The following SH3GLB1 variants were observed in gnomAD, a reference collection of about 807,000 sequenced individuals.
The protein encoded by SH3GLB1 is endophilin-B1.
In SH3GLB1, 17 loss-of-function variants were observed where a neutral mutation model predicts 42.0. The observed-to-expected ratio is 0.40, with a 90% CI of 0.28 to 0.61. SH3GLB1 has a LOEUF of 0.61. Ranked by LOEUF, SH3GLB1 falls within the 20% of genes least tolerant of loss-of-function variation. The pLI is 0.36. For missense variants in SH3GLB1, 355 were observed against 426.3 expected (o/e 0.83, Z 1.47); for synonymous variants, 132 against 146.6 (o/e 0.90, Z 0.72).
intron 1 of SH3GLB1, among the ~76,000 whole-genome samples, chr1:86,711,973 A>G (rs1654238628): frequency 6.6e-6 from 1 of 152,104 alleles, no homozygotes; most frequent in East Asian, 1.9e-4. Context: ...CATTATTTAC[A>G]GTGCTTTAGA....
At chr1:86,728,414 A>G in intron 5 of SH3GLB1, 3 of 1,557,802 alleles carry the variant, frequency 1.9e-6, no homozygotes, top group Non-Finnish European at 2.6e-6. Flanking sequence ...AACTAAACTC[A>G]GCTCGCCTTG....
rs1249939386 is a variant in SH3GLB1, at chr1:86,721,835, G to T, written c.344-705G>T. On this transcript the variant is annotated intron_variant, in intron 3 of 8. Coordinates refer to ENST00000370558, the MANE Select transcript of SH3GLB1 (RefSeq NM_016009.5). ...CACCCTGAGGATACCAAAATCCATG[G>T]ATACTCAGGTGTCATATAAAATGGC... Among the ~76,000 whole-genome samples the T allele has an allele frequency of 2.6e-5, 4 of 152,132 alleles. No homozygotes were observed. In the East Asian group the frequency reaches 7.7e-4, roughly 29 times the overall value.
intron 1 of SH3GLB1, among the ~76,000 whole-genome samples, chr1:86,705,809 C>A (rs1558285234): frequency 6.6e-6 from 1 of 152,212 alleles, no homozygotes; most frequent in Non-Finnish European, 1.5e-5. Flanking sequence ...ATGTAAATTT[C>A]ACAACATGAA....
chr1:86,725,448 T>C (rs1255228389), intron 5 of SH3GLB1, among the ~76,000 whole-genome samples: 1 of 152,198 alleles, frequency 6.6e-6, no homozygotes, highest in Non-Finnish European at 1.5e-5. Context: ...TTTTAGTTAA[T>C]CCAAGTTATA....
chr1:86,742,500 CAA>C, intron 8 of SH3GLB1, 64 bp downstream of exon 8: 22 of 1,210,158 alleles, frequency 1.8e-5, no homozygotes, highest in Non-Finnish European at 2.6e-5. Context: ...AATATTATAA[CAA>C]AATGCAAATT....
chr1:86,742,940 A>G (rs1462760592), intron 8 of SH3GLB1, among the ~76,000 whole-genome samples, 188 bp from the exon 9 acceptor site: 1 of 152,222 alleles, frequency 6.6e-6, no homozygotes, highest in African/African-American at 2.4e-5. Context: ...CAGCCTGGGC[A>G]ACAGAGTGAG....
rs767498931 is a variant in SH3GLB1 at position 86,719,619 on chromosome 1, C to T, written c.327C>T (p.Gly109=). The T allele has an allele frequency of 3.7e-6, 6 of 1,607,880 alleles. No homozygotes were observed. Among genetic ancestry groups the T allele is most frequent in the Admixed American group, 1.7e-5 (1 of 59,316 alleles). The stretch of plus-strand genomic sequence containing the variant: ...TGATTGATGCAGGGACTGAGTTTGG[C>T]CCAGGAACAGCTTATGGTAAGTGAA... The part of the protein sequence containing the change: ...QYMIDAGTEF[G]PGTAYGNALI... Residue 109 remains glycine, a synonymous_variant, in exon 3 of 9, where the codon GGC becomes GGT. Transcript: ENST00000370558.
At chr1:86,714,049 G>A (rs1175655126) in intron 1 of SH3GLB1, among the ~76,000 whole-genome samples, 2 of 152,124 alleles carry the variant, frequency 1.3e-5, no homozygotes, top group Non-Finnish European at 2.9e-5. Flanking sequence ...CTTATTAAAG[G>A]GAAATTTATG....
intron 7 of SH3GLB1, among the ~76,000 whole-genome samples, chr1:86,740,819 T>A (rs1254672043): frequency 1.3e-5 from 2 of 152,000 alleles, no homozygotes; most frequent in Non-Finnish European, 2.9e-5. Flanking sequence ...AAGTAAGAGA[T>A]AATGTCAGTG....
chr1:86,743,065 A>G (rs1057072585), intron 8 of SH3GLB1, 63 bp from the exon 9 acceptor site: 9 of 1,244,064 alleles, frequency 7.2e-6, no homozygotes, highest in South Asian at 1.3e-5. Context: ...TACAAATCTG[A>G]TTGGTTTTCT....
intron 5 of SH3GLB1, among the ~76,000 whole-genome samples, 172 bp downstream of exon 5, chr1:86,724,577 AAG>A (rs1655050634): frequency 6.6e-6 from 1 of 152,148 alleles, no homozygotes; most frequent in Non-Finnish European, 1.5e-5. Flanking sequence ...TCATATCAAA[AAG>A]GTGATATTCA....
chr1:86,725,887 A>G (rs1655171894), intron 5 of SH3GLB1, among the ~76,000 whole-genome samples: 1 of 152,106 alleles, frequency 6.6e-6, no homozygotes. Context: ...GCTATCTTTG[A>G]TAAGACATTA....
At chr1:86,709,705 A>T (rs958494236) in intron 1 of SH3GLB1, among the ~76,000 whole-genome samples, 6 of 152,228 alleles carry the variant, frequency 3.9e-5, no homozygotes, top group African/African-American at 1.2e-4. Context: ...TTACTTAGGG[A>T]GGGAGTTCAT....
chr1:86,730,000 AATATTT>A, intron 5 of SH3GLB1: 1 of 1,286,680 alleles, frequency 7.8e-7, no homozygotes, highest in Admixed American at 2.4e-5. Flanking sequence ...CATTTAAACA[AATATTT>A]ATATTTTTCT....
intron 2 of SH3GLB1, 142 bp from the exon 3 acceptor site, chr1:86,719,365 T>C (rs1304006325): frequency 2.3e-6 from 1 of 437,842 alleles, no homozygotes; most frequent in East Asian, 4.5e-5. Context: ...AACATAAAAT[T>C]TAAAAAATTA....
intron 1 of SH3GLB1, among the ~76,000 whole-genome samples, chr1:86,707,833 A>G (rs1053722247): frequency 8.6e-5 from 13 of 151,988 alleles, no homozygotes; most frequent in Non-Finnish European, 1.2e-4. Flanking sequence ...TTTTTAGTAG[A>G]GATGGGGTTT....
chr1:86,727,069 G>T (rs1428271784), intron 5 of SH3GLB1, among the ~76,000 whole-genome samples: 1 of 151,842 alleles, frequency 6.6e-6, no homozygotes, highest in Non-Finnish European at 1.5e-5. Context: ...CTCTTTTTAA[G>T]TTCTGTGTTT....
chr1:86,715,637 A>G, intron 1 of SH3GLB1, 87 bp from the exon 2 acceptor site: 3 of 1,295,756 alleles, frequency 2.3e-6, no homozygotes, highest in Non-Finnish European at 3.2e-6. Flanking sequence ...AGGATTGTTT[A>G]GCTTTGAATT....
chr1:86,742,267 T>C lies in SH3GLB1; in HGVS notation c.821T>C (p.Val274Ala). The change falls in exon 8 of 9, where the codon GTT (valine) becomes GCT (alanine). Residue 274 changes from valine (V) to alanine (A), a missense_variant. Coordinates refer to ENST00000370558, the MANE Select transcript of SH3GLB1 (RefSeq NM_016009.5). ...NQTSVTPVPS[V>A]LPNAIGSSAM... is the part of the protein sequence containing the mutation. ...ACTTCTGTGACACCTGTACCATCAG[T>C]TTTACCAAATGCGATTGGTTCTTCT... 1 of 1,614,152 alleles carries C rather than the reference T, an allele frequency of 6.2e-7. No homozygotes were observed. The highest frequency in any genetic ancestry group is 1.1e-5 in the South Asian group (1 of 91,086).
Sources: allele counts gnomAD v4.1 joint callset (sites outside exome capture counted in the v4.1 genomes callset), GRCh38; gene constraint gnomAD v4.1.1; transcripts MANE v1.5; gene names NCBI Gene and HGNC (gene_info 2026-07-23, HGNC 2026-07-21).